KCNQ1OT1: variants seen among roughly 807,000 people sequenced by gnomAD.
The protein encoded by KCNQ1OT1 is KCNQ1 opposite strand/antisense transcript 1, also known as KCNQ1 antisense RNA 2 (non-protein coding).
At position 2,621,138 on chromosome 11, in the gene KCNQ1OT1, T is replaced by C. The variant is rs890883361; in HGVS notation, n.78857A>G. On this transcript the variant is annotated non_coding_transcript_exon_variant, in exon 1 of 1. Coordinates refer to ENST00000597346, the Ensembl canonical transcript of KCNQ1OT1. This position sits in a 1 kb window ranked among gnomAD's most constrained non-coding sequence, Gnocchi z 5.7. Reference sequence around the variant, plus strand: ...GATTACAGGTGACCGCCACCATACCTGGCTAATTTTTGTGTTTTTAGTAGA... The same window carrying C: ...GATTACAGGTGACCGCCACCATACCCGGCTAATTTTTGTGTTTTTAGTAGA... 25 of 396,666 alleles carry C rather than the reference T, an allele frequency of 6.3e-5. No homozygotes were observed. The highest frequency in any genetic ancestry group is 1.0e-4 in the Non-Finnish European group (23 of 225,512). The allele number at this position is 396,666 out of a possible 1,614,324, so 24.6% of individuals were successfully genotyped here.
rs139721699 is a variant in KCNQ1OT1 at position 2,656,155 on chromosome 11, C to A, written n.43840G>T. 923 of 398,616 alleles carry A rather than the reference C, an allele frequency of 2.3e-3. 1 individual carries two copies. The highest frequency in any genetic ancestry group is 3.2e-3 in the Non-Finnish European group (715 of 226,074). The allele number at this position is 398,616 out of a possible 1,614,324, so 24.7% of individuals were successfully genotyped here. On this transcript the variant is annotated non_coding_transcript_exon_variant, in exon 1 of 1. Transcript: ENST00000597346. ...TCGTTCCTTCTACATACAAGTGATG[C>A]AAACATCAAAATATGTTTTTTCTTT...
At chr11:2,625,240 G>C (rs1001278029) in exon 1 of KCNQ1OT1, 4 of 398,478 alleles carry the variant, frequency 1.0e-5, no homozygotes, top group Non-Finnish European at 1.8e-5. Context: ...TCCAGCAGTG[G>C]TTATTTTCTG....
chr11:2,635,152 G>A (rs1849440070), exon 1 of KCNQ1OT1: 1 of 152,190 alleles, frequency 6.6e-6, no homozygotes, highest in African/African-American at 2.4e-5. Flanking sequence ...TCTGACGGTA[G>A]TTTCTTTTGC....
exon 1 of KCNQ1OT1, chr11:2,686,576 A>G (rs1356538274): frequency 5.0e-6 from 2 of 398,558 alleles, no homozygotes; most frequent in African/African-American, 4.1e-5. Context: ...AGCTGTGGTG[A>G]CTAGAATGGC....
At chr11:2,672,587 T>C (rs1170340788) in exon 1 of KCNQ1OT1, 3 of 398,542 alleles carry the variant, frequency 7.5e-6, no homozygotes, top group Non-Finnish European at 8.8e-6. Flanking sequence ...TGAATTTTGA[T>C]TGGGAAAGCA....
exon 1 of KCNQ1OT1, chr11:2,696,665 A>G: frequency 2.5e-6 from 1 of 398,674 alleles, no homozygotes; most frequent in Non-Finnish European, 4.4e-6. Flanking sequence ...ACGTCATTCT[A>G]ATGCCAAGTT....
At chr11:2,644,598 G>T (rs1291586624) in exon 1 of KCNQ1OT1, 1 of 398,326 alleles carries the variant, frequency 2.5e-6, no homozygotes, top group East Asian at 3.6e-5. Flanking sequence ...CATTCCTTAG[G>T]AGTTGTCATG....
chr11:2,683,135 G>C lies in KCNQ1OT1; in HGVS notation n.16860C>G, dbSNP rs1164298502. On this transcript the variant is annotated non_coding_transcript_exon_variant, in exon 1 of 1. Transcript: ENST00000597346. The surrounding 1 kb of genome is among the most constrained non-coding windows in gnomAD (Gnocchi z 4.7). ...ATATCGCACCAACTCAGGAGGGTGT[G>C]GGGATGGGCTAGCATTAGGAATGGG... The C allele has an allele frequency of 2.5e-5, 10 of 398,512 alleles. No individual in the cohort carries two copies. The highest frequency in any genetic ancestry group is 1.3e-4 in the Admixed American group (3 of 22,710). 24.7% of individuals were successfully genotyped at this position (398,512 alleles called of 1,614,324 possible). A position where few individuals can be genotyped will look rare whatever the true frequency, so the allele number is the denominator to read the frequency against.
At chr11:2,675,199 T>C in exon 1 of KCNQ1OT1, 1 of 398,572 alleles carries the variant, frequency 2.5e-6, no homozygotes, top group Non-Finnish European at 4.4e-6. Context: ...TAGGTCAATA[T>C]TGTGTCATTT....
Position 2,617,354 on chromosome 11 carries a change from TA to T in KCNQ1OT1, n.82640del, listed in dbSNP as rs1335190483. The T allele has an allele frequency of 2.5e-6, 1 of 398,336 alleles. No individual in the cohort carries two copies. The highest frequency in any genetic ancestry group is 4.4e-6 in the Non-Finnish European group (1 of 225,934). 24.7% of individuals were successfully genotyped at this position (398,336 alleles called of 1,614,324 possible). On this transcript the variant is annotated non_coding_transcript_exon_variant, in exon 1 of 1. Coordinates refer to ENST00000597346, the Ensembl canonical transcript of KCNQ1OT1. The surrounding 1 kb of genome is among the most constrained non-coding windows in gnomAD (Gnocchi z 4.6). Reference sequence around the variant, plus strand: ...ACTTTTCATTTGTATATGGCTTATTTAACTTAGCACAATGTCTTCCAGTTTC... The same window carrying T: ...ACTTTTCATTTGTATATGGCTTATTTACTTAGCACAATGTCTTCCAGTTTC...
chr11:2,662,432 A>AT (rs1403799071), exon 1 of KCNQ1OT1: 22 of 452,550 alleles, frequency 4.9e-5, no homozygotes, highest in Middle Eastern at 1.1e-3. Flanking sequence ...GCATTTCCCC[A>AT]TGGAACCCTG....
At position 2,647,866 on chromosome 11, in the gene KCNQ1OT1, T is replaced by C. The variant is rs911406143; in HGVS notation, n.52129A>G. On this transcript the variant is annotated non_coding_transcript_exon_variant, in exon 1 of 1. Transcript: ENST00000597346. This position sits in a 1 kb window ranked among gnomAD's most constrained non-coding sequence, Gnocchi z 4.0. Reference sequence around the variant, plus strand: ...CCTTTTTCATTTCTGATTTTATTTATTGGGTCTTCTTGGTTAGTCTAGCTA... The same window carrying C: ...CCTTTTTCATTTCTGATTTTATTTACTGGGTCTTCTTGGTTAGTCTAGCTA... The C allele has an allele frequency of 2.5e-6, 1 of 398,448 alleles. No homozygotes were observed. Among genetic ancestry groups the C allele is most frequent in the African/African-American group, 2.1e-5 (1 of 48,610 alleles). 24.7% of individuals were successfully genotyped at this position (398,448 alleles called of 1,614,324 possible). A position where few individuals can be genotyped will look rare whatever the true frequency, so the allele number is the denominator to read the frequency against.
At chr11:2,699,652 C>CGAAGAACCCCCGGGGAGAACCGCGCA (rs1564862587) in exon 1 of KCNQ1OT1, 2 of 357,294 alleles carry the variant, frequency 5.6e-6, no homozygotes, top group African/African-American at 2.1e-5. Context: ...ACAACCGCGC[C>CGAAGAACCCCCGGGGAGAACCGCGCA]GAAGAACCCC....
Position 2,611,292 on chromosome 11 carries a change from T to C in KCNQ1OT1, n.88703A>G, listed in dbSNP as rs926005112. The stretch of plus-strand genomic sequence containing the variant: ...TGGAGTGCAGTGGCGTGACCTTGGC[T>C]CACTGCAACCTCTGCCTCCCGGATT... On this transcript the variant is annotated non_coding_transcript_exon_variant, in exon 1 of 1. Transcript: ENST00000597346. This position sits in a 1 kb window ranked among gnomAD's most constrained non-coding sequence, Gnocchi z 5.3. 15 of 397,562 alleles carry C rather than the reference T, an allele frequency of 3.8e-5. No homozygotes were observed. In the Admixed American group the frequency reaches 6.6e-4, roughly 17 times the overall value. The allele number at this position is 397,562 out of a possible 1,614,324, so 24.6% of individuals were successfully genotyped here. A position where few individuals can be genotyped will look rare whatever the true frequency, so the allele number is the denominator to read the frequency against.
chr11:2,629,281 G>A (rs2133813980), exon 1 of KCNQ1OT1: 1 of 398,318 alleles, frequency 2.5e-6, no homozygotes, highest in Admixed American at 4.4e-5. Flanking sequence ...ATGTTTCATA[G>A]TTTTCAGTGT....
chr11:2,678,919 G>A lies in KCNQ1OT1; in HGVS notation n.21076C>T. 2.5e-6 allele frequency: 1 copy of A among 398,476 alleles called. No homozygotes were observed. The highest frequency in any genetic ancestry group is 4.4e-6 in the Non-Finnish European group (1 of 226,066). The allele number at this position is 398,476 out of a possible 1,614,324, so 24.7% of individuals were successfully genotyped here. On this transcript the variant is annotated non_coding_transcript_exon_variant, in exon 1 of 1. Coordinates refer to ENST00000597346, the Ensembl canonical transcript of KCNQ1OT1. This position sits in a 1 kb window ranked among gnomAD's most constrained non-coding sequence, Gnocchi z 4.9. Reference sequence around the variant, plus strand: ...TATACATGTATGATCATACTTTCAGGGCATCTTGGAAAAACTGAATTTGCT... The same window carrying A: ...TATACATGTATGATCATACTTTCAGAGCATCTTGGAAAAACTGAATTTGCT...
At position 2,621,262 on chromosome 11, in the gene KCNQ1OT1, G is replaced by A. The variant is rs917701578; in HGVS notation, n.78733C>T. 1.8e-5 allele frequency: 7 copies of A among 398,326 alleles called. No individual in the cohort carries two copies. The East Asian group carries it at 2.5e-4, about 14-fold the overall frequency. The allele number at this position is 398,326 out of a possible 1,614,324, so 24.7% of individuals were successfully genotyped here. On this transcript the variant is annotated non_coding_transcript_exon_variant, in exon 1 of 1. Coordinates refer to ENST00000597346, the Ensembl canonical transcript of KCNQ1OT1. This position sits in a 1 kb window ranked among gnomAD's most constrained non-coding sequence, Gnocchi z 5.7. ...CAAAGTGCTAGGACTACAGGCATGA[G>A]CCACCGTGCCTGGCCTCATTATTTG...
chr11:2,674,405 G>T lies in KCNQ1OT1; in HGVS notation n.25590C>A, dbSNP rs1850250978. On this transcript the variant is annotated non_coding_transcript_exon_variant, in exon 1 of 1. Transcript: ENST00000597346. The surrounding 1 kb of genome is among the most constrained non-coding windows in gnomAD (Gnocchi z 5.9). ...GGAAGGTGCATGCGTGCGTGTGTGTGTGCGCGCCCGCGCGCACACGACCAC... is the reference window on the plus strand; with the variant it reads ...GGAAGGTGCATGCGTGCGTGTGTGTTTGCGCGCCCGCGCGCACACGACCAC... 2.5e-6 allele frequency: 1 copy of T among 398,346 alleles called. No homozygotes were observed. Among genetic ancestry groups the T allele is most frequent in the Non-Finnish European group, 4.4e-6 (1 of 226,022 alleles). The allele number at this position is 398,346 out of a possible 1,614,324, so 24.7% of individuals were successfully genotyped here.
At chr11:2,660,961 A>G (rs1214620503) in exon 1 of KCNQ1OT1, 5 of 398,678 alleles carry the variant, frequency 1.3e-5, no homozygotes, top group African/African-American at 6.2e-5. Context: ...GCTGTGGCCA[A>G]TCTAAACTGT....
Sources: allele counts gnomAD v4.1 joint callset, GRCh38; gene constraint gnomAD v4.1.1; non-coding constraint Gnocchi (gnomAD v3.1); transcripts MANE v1.5; gene names NCBI Gene and HGNC (gene_info 2026-07-23, HGNC 2026-07-21).